Variants in POLG observed in about 807,000 individuals in gnomAD.
POLG encodes DNA polymerase gamma, catalytic subunit.
Under a neutral mutation model 155.4 loss-of-function variants are expected in POLG, and 110 were observed. That is an observed-to-expected ratio of 0.71 (90% CI 0.61 to 0.83). The LOEUF (loss-of-function observed/expected upper bound fraction) is 0.83, where lower values mean the gene tolerates loss of function less well. POLG is among the 40% of genes least tolerant of loss of function. POLG has a pLI of 0.00. For synonymous variants in POLG, 701 were observed against 631.5 expected (o/e 1.11, Z -1.65); for missense variants, 1,685 against 1,627.5 (o/e 1.04, Z -0.61).
intron 2 of POLG, among the ~76,000 whole-genome samples, 190 bp from the exon 3 acceptor site, chr15:89,330,466 G>A (rs1428393276): frequency 3.9e-5 from 6 of 152,128 alleles, no homozygotes; most frequent in African/African-American, 1.4e-4. Context: ...TGTGCTGGCG[G>A]GCAAGAGCTA....
chr15:89,327,692 G>C (rs752204749), intron 6 of POLG, among the ~76,000 whole-genome samples: 1 of 152,132 alleles, frequency 6.6e-6, no homozygotes, highest in Non-Finnish European at 1.5e-5. Context: ...CATCATGCCT[G>C]AACCTCACAA....
rs369588707 is a variant in POLG, at chr15:89,330,027, A to G, written c.855+54T>C. ...AGTACCTCCCCTAACCACTGAGATT[A>G]GGGCTCCTGGCCCATCCCATGCCAG... is the stretch of plus-strand genomic sequence containing the variant. On this transcript the variant is annotated intron_variant, in intron 3 of 22. Transcript: ENST00000268124. 99 of 1,446,572 alleles carry G rather than the reference A, an allele frequency of 6.8e-5. No homozygotes were observed. In the East Asian group the frequency reaches 1.7e-3, roughly 25 times the overall value. The allele number at this position is 1,446,572 out of a possible 1,614,324, so 89.6% of individuals were successfully genotyped here.
intron 2 of POLG, among the ~76,000 whole-genome samples, chr15:89,332,576 G>C (rs1448272915): frequency 6.7e-6 from 1 of 149,444 alleles, no homozygotes; most frequent in African/African-American, 2.5e-5. Context: ...CCACCTCAAG[G>C]GGGCGTCTGG....
chr15:89,320,659 T>G (rs1596351772), intron 18 of POLG, 107 bp downstream of exon 18: 51 of 1,271,818 alleles, frequency 4.0e-5, no homozygotes, highest in Non-Finnish European at 4.9e-5. Context: ...AGGGGCTAGG[T>G]GAGAGTTCAA....
intron 18 of POLG, among the ~76,000 whole-genome samples, 188 bp downstream of exon 18, chr15:89,320,578 G>A (rs960026260): frequency 6.6e-6 from 1 of 152,250 alleles, no homozygotes; most frequent in Non-Finnish European, 1.5e-5. Context: ...GTTTAAGGCT[G>A]ACTATAAAGC....
Position 89,323,529 on chromosome 15 carries a change from C to G in POLG, c.2158-18G>C. The G allele has an allele frequency of 6.8e-7, 1 of 1,481,276 alleles. No individual in the cohort carries two copies. The allele number at this position is 1,481,276 out of a possible 1,614,324, so 91.8% of individuals were successfully genotyped here. On this transcript the variant is annotated intron_variant, in intron 12 of 22. Transcript: ENST00000268124. Reference sequence around the variant, plus strand: ...CGGGCAGTCTGTGAGGGCCACACACCTATATCAGGCCCTGCTCCAGCACCT... The same window carrying G: ...CGGGCAGTCTGTGAGGGCCACACACGTATATCAGGCCCTGCTCCAGCACCT...
Position 89,323,783 on chromosome 15 carries a change from A to G in POLG, c.2157+32T>C, listed in dbSNP as rs202139089. The G allele has an allele frequency of 1.9e-6, 3 of 1,561,564 alleles. No individual in the cohort carries two copies. The East Asian group carries it at 6.7e-5, about 35-fold the overall frequency. On this transcript the variant is annotated intron_variant, in intron 12 of 22. Coordinates refer to ENST00000268124, the MANE Select transcript of POLG (RefSeq NM_002693.3). ...AGGAAGCCCTTTCCACCCAGCACCC[A>G]CCTAGAGAACCCAAGCCGGCGCACT...
intron 6 of POLG, 50 bp downstream of exon 6, chr15:89,328,406 T>A: frequency 1.4e-6 from 2 of 1,438,302 alleles, no homozygotes; most frequent in Non-Finnish European, 9.8e-7. Flanking sequence ...TGGGCCCGGG[T>A]ACCAGGAACA....
In POLG at chr15:89,322,314, C is replaced by G. The variant is rs368957327; in HGVS notation, c.2427-299G>C. Among the ~76,000 whole-genome samples, 17 of 152,328 alleles carry G rather than the reference C, an allele frequency of 1.1e-4. No homozygotes were observed. The East Asian group carries it at 3.3e-3, about 29-fold the overall frequency. ...CCTCTTCCTACACACAGGCAGACTT[C>G]ACCATCCCAACACCCACTCTGCTCG... On this transcript the variant is annotated intron_variant, in intron 14 of 22. Coordinates refer to ENST00000268124, the MANE Select transcript of POLG (RefSeq NM_002693.3).
chr15:89,331,801 G>A lies in POLG; in HGVS notation c.659+1295C>T, dbSNP rs56279728. Among the ~76,000 whole-genome samples, 631 of 152,012 alleles carry A rather than the reference G, an allele frequency of 4.2e-3. 5 individuals carry two copies. The highest frequency in any genetic ancestry group is 0.015 in the African/African-American group (604 of 41,418). The stretch of plus-strand genomic sequence containing the variant: ...CCCCACCCACCAGTCAGACTCCCAG[G>A]AGGAAGGTCCCAGCATGAGCCCAGG... On this transcript the variant is annotated intron_variant, in intron 2 of 22. Coordinates refer to ENST00000268124, the MANE Select transcript of POLG (RefSeq NM_002693.3).
Position 89,330,069 on chromosome 15 carries a change from CAGG to C in POLG, c.855+9_855+11del. The stretch of plus-strand genomic sequence containing the variant: ...CCATGCCAGAACCTGCAGTTGGCCC[CAGG>C]AACCTTACCTGGATCAGGTACTGCT... On this transcript the variant is annotated intron_variant, in intron 3 of 22. Coordinates refer to ENST00000268124, the MANE Select transcript of POLG (RefSeq NM_002693.3). 1 of 1,613,042 alleles carries C rather than the reference CAGG, an allele frequency of 6.2e-7. No individual in the cohort carries two copies. The highest frequency in any genetic ancestry group is 8.5e-7 in the Non-Finnish European group (1 of 1,179,042).
chr15:89,318,011 A>T, intron 21 of POLG: 1 of 296,980 alleles, frequency 3.4e-6, no homozygotes, highest in East Asian at 1.1e-4. Context: ...GTAATATTTA[A>T]TTCATCCATA....
In POLG at chr15:89,325,123, TGAGTGAGAGAGTGAGTGAGA is replaced by T. The variant is rs1042314468; in HGVS notation, c.1949+307_1949+326del. ...GAGAGAGTGAGAGAGAGTGAGTGAG[TGAGTGAGAGAGTGAGTGAGA>T]GAGTGAGTGAGTGAGTGAGTGAGTG... On this transcript the variant is annotated intron_variant, in intron 10 of 22. Coordinates refer to ENST00000268124, the MANE Select transcript of POLG (RefSeq NM_002693.3). Among the ~76,000 whole-genome samples, 2 of 39,294 alleles carry T rather than the reference TGAGTGAGAGAGTGAGTGAGA, an allele frequency of 5.1e-5. 1 individual carries two copies. The highest frequency in any genetic ancestry group is 1.2e-3 in the East Asian group (2 of 1,674). 25.8% of individuals were successfully genotyped at this position (39,294 alleles called of 152,430 possible).
intron 13 of POLG, 64 bp from the exon 14 acceptor site, chr15:89,322,966 G>GT (rs1567187895): frequency 6.0e-6 from 9 of 1,500,458 alleles, no homozygotes; most frequent in Non-Finnish European, 6.4e-6. Flanking sequence ...GGGAACCAAC[G>GT]TGAGTACCTG....
rs778172428 is a variant in POLG at position 89,325,619 on chromosome 15, G to A, written c.1780C>T (p.Leu594=). The part of the protein sequence containing the change: ...AWTPGPSLLS[L]QMRVTPKLMA... ...AGTTTAGGTGTGACCCGCATCTGCA[G>A]GCTGAGGAGGCTGGGGCCCGGGGTC... Residue 594 remains leucine (L), a synonymous_variant, in exon 10 of 23, where the codon CTG becomes TTG. Coordinates refer to ENST00000268124, the MANE Select transcript of POLG (RefSeq NM_002693.3). 1.9e-5 allele frequency: 30 copies of A among 1,613,374 alleles called. No individual in the cohort carries two copies. The highest frequency in any genetic ancestry group is 2.7e-5 in the African/African-American group (2 of 74,932).
chr15:89,329,011 T>C lies in POLG; in HGVS notation c.955A>G (p.Lys319Glu), dbSNP rs766465907. The change falls in exon 4 of 23, where the codon AAA (lysine) becomes GAA (glutamate). Residue 319 changes from lysine (K) to glutamate (E), a missense_variant. Lys to Glu is a moderately conservative substitution (Grantham distance 56). Transcript: ENST00000268124. ...RSLWIAAKQG[K>E]HKVQPPTKQG... is the part of the protein sequence containing the mutation. ...TTTGTGGGGGGCTGGACCTTGTGTT[T>C]GCCCTGCTTGGCTGCTATCCACAGA... The C allele has an allele frequency of 8.1e-6, 13 of 1,613,416 alleles. No homozygotes were observed. Among genetic ancestry groups the C allele is most frequent in the Non-Finnish European group, 9.3e-6 (11 of 1,180,048 alleles).
chr15:89,325,089 T>TGAGTGAGTGAGTGAGTGAGA, intron 10 of POLG, among the ~76,000 whole-genome samples: 2 of 41,244 alleles, frequency 4.8e-5, no homozygotes, highest in Non-Finnish European at 9.6e-5. Context: ...AGTGAGAGAG[T>TGAGTGAGTGAGTGAGTGAGA]GAGTGAGTGA....
In POLG at chr15:89,317,505, C is replaced by A; in HGVS notation, c.3514G>T (p.Asp1172Tyr). The change falls in exon 22 of 23, where the codon GAC (aspartate) becomes TAC (tyrosine). Residue 1172 changes from aspartate (D) to tyrosine (Y), a missense_variant. Asp to Tyr is a radical substitution (Grantham distance 160, BLOSUM62 -3). Coordinates refer to ENST00000268124, the MANE Select transcript of POLG (RefSeq NM_002693.3). Reference protein sequence around the residue: ...CMFAYKLGLNDLPQSVAFFSA... With the variant: ...CMFAYKLGLNYLPQSVAFFSA... Reference sequence around the variant, plus strand: ...AAAAAGGCGACTGACTGGGGCAAGTCATTCAGACCCAGCTTGTAGGCAAAC... The same window carrying A: ...AAAAAGGCGACTGACTGGGGCAAGTAATTCAGACCCAGCTTGTAGGCAAAC... 6.2e-7 allele frequency: 1 copy of A among 1,614,148 alleles called. No homozygotes were observed. Among genetic ancestry groups the A allele is most frequent in the Non-Finnish European group, 8.5e-7 (1 of 1,180,022 alleles).
In POLG at chr15:89,333,441, T is replaced by G; in HGVS notation, c.314A>C (p.Glu105Ala). 6.2e-7 allele frequency: 1 copy of G among 1,609,602 alleles called. No individual in the cohort carries two copies. Among genetic ancestry groups the G allele is most frequent in the Non-Finnish European group, 8.5e-7 (1 of 1,179,646 alleles). The change falls in exon 2 of 23, where the codon GAG becomes GCG. Residue 105 changes from glutamate (E) to alanine (A), a missense_variant. Transcript: ENST00000268124. ...CCAGAGCCCGTGCTTCTGCAGGTGC[T>G]CGACGCTGCGGCGCACCGCGGCCTC... ...PGEAAVRRSV[E>A]HLQKHGLWGQ...
Sources: allele counts gnomAD v4.1 joint callset (sites outside exome capture counted in the v4.1 genomes callset), GRCh38; gene constraint gnomAD v4.1.1; transcripts MANE v1.5; gene names NCBI Gene and HGNC (gene_info 2026-07-23, HGNC 2026-07-21).